Variants in PVT1 observed in about 807,000 individuals in gnomAD.
The protein encoded by PVT1 is CXCR4/PVT1 fusion.
At position 127,808,666 on chromosome 8, in the gene PVT1, A is replaced by G. The variant is rs750865836; in HGVS notation, n.372+12595A>G. 5.7e-4 allele frequency among the ~76,000 whole-genome samples: 86 copies of G among 152,178 alleles called. No individual in the cohort carries two copies. In the Middle Eastern group the frequency reaches 0.01, roughly 18 times the overall value. ...ACTGAATTACAGCAATCCAAGAGAG[A>G]GCTGGACTCGGCTCTAGCAGTGGAG... is the stretch of plus-strand genomic sequence containing the variant. On this transcript the variant is annotated intron_variant and non_coding_transcript_variant, in intron 2 of 10. Transcript: ENST00000651587.
At chr8:128,087,650 T>G (rs1458525932) in intron 5 of PVT1, among the ~76,000 whole-genome samples, 1 of 152,158 alleles carries the variant, frequency 6.6e-6, no homozygotes, top group Non-Finnish European at 1.5e-5. Context: ...TGCCTCCTAT[T>G]TACTTTGAAT....
At chr8:128,027,669 T>C (rs1031716999) in intron 4 of PVT1, among the ~76,000 whole-genome samples, 1 of 152,210 alleles carries the variant, frequency 6.6e-6, no homozygotes, top group Admixed American at 6.5e-5. Context: ...CTCCCTGGGC[T>C]GTGGCACCAT....
intron 4 of PVT1, chr8:128,009,510 G>A (rs1189334872): frequency 6.6e-6 from 1 of 151,650 alleles, no homozygotes; most frequent in Non-Finnish European, 1.5e-5. Flanking sequence ...AGACATTAAA[G>A]ACATATAGGT....
In PVT1 at chr8:127,834,865, A is replaced by G. The variant is rs60100633; in HGVS notation, n.372+38794A>G. Among the ~76,000 whole-genome samples the G allele has an allele frequency of 1.1e-4, 16 of 152,360 alleles. No homozygotes were observed. The East Asian group carries it at 2.9e-3, about 28-fold the overall frequency. ...AAAAAACAACTCATCATTACTGGTC[A>G]TTAGAGAAATGCAATCAAAACCACA... On this transcript the variant is annotated intron_variant and non_coding_transcript_variant, in intron 2 of 10. Coordinates refer to ENST00000651587, the Ensembl canonical transcript of PVT1.
At chr8:128,040,876 G>A (rs1213474595) in intron 4 of PVT1, among the ~76,000 whole-genome samples, 16 of 150,718 alleles carry the variant, frequency 1.1e-4, no homozygotes, top group Admixed American at 2.0e-4. Context: ...TATTGTTTAC[G>A]TGCATGTGTT....
chr8:127,882,259 G>A (rs754757322), intron 2 of PVT1, among the ~76,000 whole-genome samples: 4 of 152,106 alleles, frequency 2.6e-5, no homozygotes, highest in Non-Finnish European at 5.9e-5. Context: ...CCCAGCACAC[G>A]TTAGGGAGGA....
At chr8:128,015,609 C>G (rs976531220) in intron 4 of PVT1, among the ~76,000 whole-genome samples, 3 of 151,676 alleles carry the variant, frequency 2.0e-5, no homozygotes, top group South Asian at 2.1e-4. Context: ...CCTGTCTCTA[C>G]TAAAAACACC....
intron 3 of PVT1, among the ~76,000 whole-genome samples, chr8:127,897,875 GAAAGAAAGA>G: frequency 9.4e-5 from 1 of 10,604 alleles, no homozygotes; most frequent in African/African-American, 7.1e-4. Flanking sequence ...AGAAAGGAAA[GAAAGAAAGA>G]AAGAAAGAAA....
chr8:127,807,798 G>T (rs1233363355), intron 2 of PVT1, among the ~76,000 whole-genome samples: 1 of 151,136 alleles, frequency 6.6e-6, no homozygotes, highest in Non-Finnish European at 1.5e-5. Flanking sequence ...ACGGAGTCTC[G>T]CTCTGTCACC....
chr8:128,007,489 G>A lies in PVT1; in HGVS notation n.912+18198G>A, dbSNP rs183425052. Among the ~76,000 whole-genome samples the A allele has an allele frequency of 2.8e-3, 420 of 152,074 alleles. 10 individuals carry two copies. Among genetic ancestry groups the A allele is most frequent in the Admixed American group, 0.024 (363 of 15,282 alleles). ...TTTATATGTACTAATATGGGATGGT[G>A]TCCACAATCAATTGGAAAAGATAAG... On this transcript the variant is annotated intron_variant and non_coding_transcript_variant, in intron 4 of 10. Transcript: ENST00000651587.
chr8:127,948,092 G>A (rs949903529), intron 3 of PVT1: 8 of 376,184 alleles, frequency 2.1e-5, no homozygotes, highest in East Asian at 7.2e-5. Context: ...TGCCAGCCCC[G>A]GTCAGCCTGC....
chr8:127,904,887 G>A (rs899698937), intron 3 of PVT1, among the ~76,000 whole-genome samples: 1 of 152,180 alleles, frequency 6.6e-6, no homozygotes, highest in Non-Finnish European at 1.5e-5. Flanking sequence ...AACCAAGCTC[G>A]GGCCCCTCTG....
At chr8:128,066,277 T>G (rs1445227379) in intron 4 of PVT1, among the ~76,000 whole-genome samples, 1 of 152,186 alleles carries the variant, frequency 6.6e-6, no homozygotes, top group Non-Finnish European at 1.5e-5. Context: ...ATGTCATTTC[T>G]GGCCTTCATG....
chr8:127,848,746 G>T (rs1439004443), intron 2 of PVT1, among the ~76,000 whole-genome samples: 1 of 152,150 alleles, frequency 6.6e-6, no homozygotes, highest in Non-Finnish European at 1.5e-5. Context: ...CCTCAAAACT[G>T]GAAAAGCTGG....
chr8:128,032,827 G>C (rs1813408061), intron 4 of PVT1, among the ~76,000 whole-genome samples: 1 of 152,214 alleles, frequency 6.6e-6, no homozygotes, highest in African/African-American at 2.4e-5. Flanking sequence ...TTCTTATGGT[G>C]AAAAGCACAG....
chr8:128,076,038 G>A (rs1486721883), intron 5 of PVT1, among the ~76,000 whole-genome samples: 2 of 152,158 alleles, frequency 1.3e-5, no homozygotes, highest in Non-Finnish European at 1.5e-5. Context: ...AGTTTCCTTT[G>A]TCCTCACAGT....
chr8:127,978,093 T>G (rs1266000877), intron 3 of PVT1, among the ~76,000 whole-genome samples: 2 of 152,228 alleles, frequency 1.3e-5, no homozygotes, highest in African/African-American at 2.4e-5. Context: ...GTCACTTCTT[T>G]CAAGCTGCTG....
At chr8:127,947,499 C>A (rs1816436374) in intron 3 of PVT1, 1 of 348,046 alleles carries the variant, frequency 2.9e-6, no homozygotes, top group Admixed American at 3.8e-5. Context: ...CATCCCAATG[C>A]CAGGCACACT....
chr8:127,865,797 G>A (rs924550747), intron 2 of PVT1, among the ~76,000 whole-genome samples: 1 of 152,200 alleles, frequency 6.6e-6, no homozygotes, highest in Non-Finnish European at 1.5e-5. Context: ...TGCAATGGGC[G>A]CAGCATTTGA....
Sources: allele counts gnomAD v4.1 joint callset (sites outside exome capture counted in the v4.1 genomes callset), GRCh38; gene constraint gnomAD v4.1.1; transcripts MANE v1.5; gene names NCBI Gene and HGNC (gene_info 2026-07-23, HGNC 2026-07-21).